The following CHD8 variants were observed in gnomAD, a reference collection of about 807,000 sequenced individuals.
The protein encoded by CHD8 is ATP-dependent chromatin remodeler CHD8.
A neutral mutation model predicts 279.2 loss-of-function variants in CHD8; 31 were observed. The observed-to-expected ratio is 0.11, with a 90% CI of 0.08 to 0.15. The LOEUF is 0.15. CHD8 is among the 10% of genes least tolerant of loss of function. CHD8 has a pLI of 1.00. For missense variants in CHD8, 2,146 were observed against 3,230.5 expected, an observed-to-expected ratio of 0.66 and a Z score of 8.14; for synonymous variants, 1,081 against 1,139.6, an observed-to-expected ratio of 0.95 and a Z score of 1.04.
chr14:21,414,448 T>C (rs1443834845), intron 8 of CHD8, 30 bp from the exon 9 acceptor site: 16 of 1,229,428 alleles, frequency 1.3e-5, no homozygotes, highest in Non-Finnish European at 1.7e-5. Context: ...CCAGTCATGG[T>C]GCAAGTAAAA....
At chr14:21,429,633 C>T (rs1262711072) in intron 2 of CHD8, 1 of 454,932 alleles carries the variant, frequency 2.2e-6, no homozygotes, top group Non-Finnish European at 4.2e-6. Context: ...TTCATCCCTC[C>T]TTAGGCAACC....
chr14:21,393,160 C>T lies in CHD8; in HGVS notation c.6414G>A (p.Met2138Ile), dbSNP rs1470749217. ...CCTGCAGTAGCAGAAGCTCAGGGGTCATTTGTTCTCCATCTTCATTTGGGA... is the reference window on the plus strand; with the variant it reads ...CCTGCAGTAGCAGAAGCTCAGGGGTTATTTGTTCTCCATCTTCATTTGGGA... ...DGFPNEDGEQ[M>I]TPELLLLQER... Residue 2138 changes from methionine to isoleucine, a missense_variant, in exon 33 of 38, where the codon ATG becomes ATA. By Grantham distance (10) the Met-to-Ile change is conservative (BLOSUM62 1). Coordinates refer to ENST00000646647, the MANE Select transcript of CHD8 (RefSeq NM_001170629.2). 1.2e-6 allele frequency: 2 copies of T among 1,613,912 alleles called. No homozygotes were observed. Among genetic ancestry groups the T allele is most frequent in the East Asian group, 4.5e-5 (2 of 44,882 alleles).
intron 27 of CHD8, chr14:21,396,932 T>A (rs1253053246): frequency 6.3e-6 from 1 of 158,202 alleles, no homozygotes; most frequent in African/African-American, 2.4e-5. Flanking sequence ...TTTGGGTCAG[T>A]CTGGTATAGC....
In CHD8 at chr14:21,428,125, T is replaced by C; in HGVS notation, c.1345A>G (p.Asn449Asp). 3 of 1,614,020 alleles carry C rather than the reference T, an allele frequency of 1.9e-6. No homozygotes were observed. Among genetic ancestry groups the C allele is most frequent in the Non-Finnish European group, 2.5e-6 (3 of 1,179,900 alleles). The change falls in exon 4 of 38, where the codon AAC becomes GAC. Residue 449 changes from asparagine (N) to aspartate (D), a missense_variant. By Grantham distance (23) the Asn-to-Asp change is conservative (BLOSUM62 1). This residue lies in a region of CHD8 where 170 missense variants were observed against 189.9 expected (regional missense o/e 0.90). Transcript: ENST00000646647. The part of the protein sequence containing the change: ...HSGGKTGMEE[N>D]RRLEHQKKQE... ...TTCTTCTGGTGTTCCAATCTGCGGT[T>C]TTCCTCCATTCCTGTCTTTCCCCCC...
chr14:21,408,209 A>C lies in CHD8; in HGVS notation c.2730+103T>G, dbSNP rs972240429. ...TAGGCATTTTTGCATAGGCATATTG[A>C]AGACTTTCAATAAAAGTCTTCTATT... On this transcript the variant is annotated intron_variant, in intron 13 of 37. Transcript: ENST00000646647. This position sits in a 1 kb window ranked among gnomAD's most constrained non-coding sequence, Gnocchi z 4.3. The C allele has an allele frequency of 7.2e-7, 1 of 1,391,934 alleles. No homozygotes were observed. 86.2% of individuals were successfully genotyped at this position (1,391,934 alleles called of 1,614,324 possible).
chr14:21,405,105 A>T lies in CHD8; in HGVS notation c.3307+104T>A. 8.8e-7 allele frequency: 1 copy of T among 1,142,220 alleles called. No homozygotes were observed. The highest frequency in any genetic ancestry group is 1.3e-6 in the Non-Finnish European group (1 of 796,392). The allele number at this position is 1,142,220 out of a possible 1,614,324, so 70.8% of individuals were successfully genotyped here. ...TCCCATTCCTCAGTCCGCACCCCAA[A>T]TTAGGTTGGTTGAGTCAATGCATCC... is the stretch of plus-strand genomic sequence containing the variant. On this transcript the variant is annotated intron_variant, in intron 16 of 37. Coordinates refer to ENST00000646647, the MANE Select transcript of CHD8 (RefSeq NM_001170629.2). This position sits in a 1 kb window ranked among gnomAD's most constrained non-coding sequence, Gnocchi z 4.2.
At chr14:21,406,625 A>C (rs994804791) in intron 14 of CHD8, among the ~76,000 whole-genome samples, 10 of 152,340 alleles carry the variant, frequency 6.6e-5, no homozygotes, top group Admixed American at 3.9e-4. Context: ...TGCAGTAATA[A>C]TAGGTAACCA....
In CHD8 at chr14:21,394,193, G is replaced by A. The variant is rs1325133099; in HGVS notation, c.5602C>T (p.Pro1868Ser). The change falls in exon 32 of 38, where the codon CCC becomes TCC. Residue 1868 changes from proline to serine, a missense_variant and splice_region_variant. Pro to Ser is a moderately conservative substitution (Grantham distance 74, BLOSUM62 -1). This residue lies in a region of CHD8 where 513 missense variants were observed against 637.6 expected (regional missense o/e 0.80). Coordinates refer to ENST00000646647, the MANE Select transcript of CHD8 (RefSeq NM_001170629.2). ...CRLPPAAGDE[P>S]PDPNLFIEPI... ...TCAATGAACAGGTTAGGGTCGGGGG[G>A]TTCTGCAAGAGACAGGAGTAGAAGA... 4.4e-6 allele frequency: 7 copies of A among 1,607,204 alleles called. No homozygotes were observed. Among genetic ancestry groups the A allele is most frequent in the Non-Finnish European group, 4.3e-6 (5 of 1,175,234 alleles).
chr14:21,433,415 T>C (rs1174237380), intron 1 of CHD8, among the ~76,000 whole-genome samples: 1 of 152,248 alleles, frequency 6.6e-6, no homozygotes, highest in Non-Finnish European at 1.5e-5. Context: ...TCTTTGTATA[T>C]GATGACAGTA....
intron 4 of CHD8, chr14:21,426,810 T>C (rs900450747): frequency 6.6e-6 from 1 of 152,276 alleles, no homozygotes. Context: ...TGACAAGAAT[T>C]ATGTGGCAAG....
chr14:21,392,492 A>C lies in CHD8; in HGVS notation c.6771+15T>G. The C allele has an allele frequency of 1.2e-6, 2 of 1,604,440 alleles. No individual in the cohort carries two copies. Among genetic ancestry groups the C allele is most frequent in the Non-Finnish European group, 1.7e-6 (2 of 1,174,366 alleles). On this transcript the variant is annotated intron_variant, in intron 34 of 37. Coordinates refer to ENST00000646647, the MANE Select transcript of CHD8 (RefSeq NM_001170629.2). ...CCTCCTTCCCCACTTCCCAATGCCCAAATGCTGAGCTTACATCTTTGATTT... is the reference window on the plus strand; with the variant it reads ...CCTCCTTCCCCACTTCCCAATGCCCCAATGCTGAGCTTACATCTTTGATTT...
intron 37 of CHD8, 58 bp from the exon 38 acceptor site, chr14:21,386,234 C>A (rs1887226768): frequency 4.1e-6 from 6 of 1,466,526 alleles, no homozygotes; most frequent in Non-Finnish European, 5.5e-6. Flanking sequence ...AGAAAAGAAA[C>A]CAAAGCCAAC....
chr14:21,405,133 T>G lies in CHD8; in HGVS notation c.3307+76A>C. On this transcript the variant is annotated intron_variant, in intron 16 of 37. Transcript: ENST00000646647. The surrounding 1 kb of genome is among the most constrained non-coding windows in gnomAD (Gnocchi z 4.2). ...AGGTTGGTTGAGTCAATGCATCCAT[T>G]GTCCCCAAGGAGAATCATCCGGAAA... The G allele has an allele frequency of 6.8e-7, 1 of 1,473,574 alleles. No homozygotes were observed. Among genetic ancestry groups the G allele is most frequent in the Non-Finnish European group, 9.3e-7 (1 of 1,072,706 alleles). 91.3% of individuals were successfully genotyped at this position (1,473,574 alleles called of 1,614,324 possible).
At chr14:21,397,130 G>T in intron 27 of CHD8, 1 of 223,812 alleles carries the variant, frequency 4.5e-6, no homozygotes, top group South Asian at 5.7e-5. Flanking sequence ...TTATTACTGT[G>T]TTCTTCTGAG....
intron 3 of CHD8, 79 bp downstream of exon 3, chr14:21,428,885 A>AT: frequency 7.4e-7 from 1 of 1,355,732 alleles, no homozygotes; most frequent in Non-Finnish European, 1.0e-6. Flanking sequence ...ACATTCAAGA[A>AT]TAAGTGGTTG....
Position 21,403,020 on chromosome 14 carries a change from C to T in CHD8, c.3711G>A (p.Leu1237=), listed in dbSNP as rs773396790. The stretch of plus-strand genomic sequence containing the variant: ...CTAAGACAATGAATTCCTTTACCTG[C>T]AGGTCATTTTGTGGATTCCAGTCTG... ...FDSDWNPQND[L]QAQARCHRIG... is the part of the protein sequence containing the mutation. Residue 1237 remains leucine (L), a synonymous_variant, in exon 18 of 38, where the codon CTG becomes CTA. Transcript: ENST00000646647. The surrounding 1 kb of genome is among the most constrained non-coding windows in gnomAD (Gnocchi z 4.3). 6.2e-7 allele frequency: 1 copy of T among 1,612,098 alleles called. No homozygotes were observed. Among genetic ancestry groups the T allele is most frequent in the South Asian group, 1.1e-5 (1 of 91,008 alleles).
chr14:21,391,964 C>T lies in CHD8; in HGVS notation c.6772-18G>A, dbSNP rs201423012. The T allele has an allele frequency of 2.0e-6, 3 of 1,518,532 alleles. No individual in the cohort carries two copies. The highest frequency in any genetic ancestry group is 2.7e-6 in the Non-Finnish European group (3 of 1,093,192). The allele number at this position is 1,518,532 out of a possible 1,614,324, so 94.1% of individuals were successfully genotyped here. A position where few individuals can be genotyped will look rare whatever the true frequency, so the allele number is the denominator to read the frequency against. On this transcript the variant is annotated intron_variant, in intron 34 of 37. Coordinates refer to ENST00000646647, the MANE Select transcript of CHD8 (RefSeq NM_001170629.2). ...CCTTCCTCCTAGGAAGACAACCCAC[C>T]CACCCAAGACATCATATGGTACATG...
At chr14:21,423,962 A>T (rs1889175338) in intron 5 of CHD8, among the ~76,000 whole-genome samples, 1 of 152,222 alleles carries the variant, frequency 6.6e-6, no homozygotes, top group South Asian at 2.1e-4. Context: ...ATCTGGCTCC[A>T]GAGTCTGTGC....
chr14:21,412,819 A>ATTC, intron 10 of CHD8, 94 bp downstream of exon 10: 1 of 764,690 alleles, frequency 1.3e-6, no homozygotes, highest in South Asian at 1.5e-5. Context: ...AGTCCAAGGG[A>ATTC]TTCTGCATCC....
Sources: allele counts gnomAD v4.1 joint callset (sites outside exome capture counted in the v4.1 genomes callset), GRCh38; gene constraint gnomAD v4.1.1; regional missense constraint gnomAD v4.1.1; non-coding constraint Gnocchi (gnomAD v3.1); transcripts MANE v1.5; gene names NCBI Gene and HGNC (gene_info 2026-07-23, HGNC 2026-07-21).